Variants in NFIB observed in about 807,000 individuals in gnomAD.
NFIB encodes the protein nuclear factor I B, also known as nuclear factor 1 B-type.
In NFIB, 11 loss-of-function variants were observed where a neutral mutation model predicts 61.5. The ratio of observed to expected loss-of-function variants is 0.18; its 90% CI spans 0.11 to 0.30. NFIB has a LOEUF of 0.30. Ranked by LOEUF, NFIB falls within the 10% of genes least tolerant of loss-of-function variation. The pLI, the probability that NFIB is intolerant of heterozygous loss-of-function variation, is 1.00. For missense variants in NFIB, 471 were observed against 608.9 expected (o/e 0.77, Z 2.38); for synonymous variants, 260 against 216.5 (o/e 1.20, Z -1.76).
At chr9:14,139,094 T>C (rs1283549094) in intron 6 of NFIB, among the ~76,000 whole-genome samples, 2 of 152,140 alleles carry the variant, frequency 1.3e-5, no homozygotes, top group Non-Finnish European at 2.9e-5. Context: ...TTAAATCTCC[T>C]AGGCCATTTG....
the NFIB span, among the ~76,000 whole-genome samples, chr9:14,493,840 A>G: frequency 1.3e-5 from 2 of 152,164 alleles, no homozygotes; most frequent in African/African-American, 4.8e-5. Flanking sequence ...GTTGTTTCAC[A>G]ATATGGGGAA....
At chr9:14,265,309 T>A (rs2057104469) in intron 2 of NFIB, among the ~76,000 whole-genome samples, 1 of 152,124 alleles carries the variant, frequency 6.6e-6, no homozygotes, top group South Asian at 2.1e-4. Flanking sequence ...CCAACCCCAA[T>A]GTAGGCAGAA....
At chr9:14,484,006 T>C in the NFIB span, among the ~76,000 whole-genome samples, 9 of 152,326 alleles carry the variant, frequency 5.9e-5, no homozygotes, top group Non-Finnish European at 7.3e-5. Context: ...ACAGTTTATA[T>C]TGAAGTGTGA....
At chr9:14,430,748 A>G in the NFIB span, among the ~76,000 whole-genome samples, 1 of 151,956 alleles carries the variant, frequency 6.6e-6, no homozygotes, top group Admixed American at 6.6e-5. Flanking sequence ...TGCCTGGCTA[A>G]TTTTTTTATT....
At chr9:14,259,728 C>G (rs1290238714) in intron 2 of NFIB, among the ~76,000 whole-genome samples, 1 of 151,916 alleles carries the variant, frequency 6.6e-6, no homozygotes, top group Non-Finnish European at 1.5e-5. Context: ...TGGTGAAATC[C>G]TGTCTCTACT....
chr9:14,240,435 C>T (rs2054236505), intron 2 of NFIB, among the ~76,000 whole-genome samples: 1 of 152,120 alleles, frequency 6.6e-6, no homozygotes, highest in Non-Finnish European at 1.5e-5. Flanking sequence ...AAATGTGCAT[C>T]GCATTATAAA....
chr9:14,337,998 C>T (rs1200025573), intron 1 of NFIB, among the ~76,000 whole-genome samples: 2 of 152,204 alleles, frequency 1.3e-5, no homozygotes, highest in Non-Finnish European at 2.9e-5. Flanking sequence ...CCCTTTGTCC[C>T]TCTGTTCCTC....
In NFIB at chr9:14,085,918, A is replaced by C. The variant is rs770206147; in HGVS notation, c.*2391T>G. The stretch of plus-strand genomic sequence containing the variant: ...ACATCCCCTATGTGGACATTTCAAC[A>C]AATATTTTTGCCAAATATGAGACAG... On this transcript the variant is annotated 3_prime_UTR_variant, in exon 11 of 11. Transcript: ENST00000380953. The C allele has an allele frequency of 1.2e-4, 27 of 227,978 alleles. No homozygotes were observed. The Middle Eastern group carries it at 5.3e-3, about 45-fold the overall frequency. The allele number at this position is 227,978 out of a possible 1,614,324, so 14.1% of individuals were successfully genotyped here.
intron 1 of NFIB, among the ~76,000 whole-genome samples, chr9:14,395,323 C>G (rs1281528871): frequency 6.8e-6 from 1 of 146,068 alleles, no homozygotes; most frequent in Non-Finnish European, 1.5e-5. Flanking sequence ...AAAAAAAAAC[C>G]TAAAAAAAAA....
At chr9:14,393,883 TA>T (rs2061652913) in intron 1 of NFIB, among the ~76,000 whole-genome samples, 1 of 152,248 alleles carries the variant, frequency 6.6e-6, no homozygotes, top group Non-Finnish European at 1.5e-5. Flanking sequence ...TTTTTCTTAT[TA>T]AGGCCAGTTA....
the NFIB span, among the ~76,000 whole-genome samples, chr9:14,468,185 C>A: frequency 6.6e-6 from 1 of 152,208 alleles, no homozygotes; most frequent in Non-Finnish European, 1.5e-5. Flanking sequence ...AGCATGATGT[C>A]ATCAGAGCCT....
intron 6 of NFIB, among the ~76,000 whole-genome samples, chr9:14,136,994 T>C (rs897477647): frequency 5.9e-5 from 9 of 152,226 alleles, no homozygotes; most frequent in African/African-American, 1.9e-4. Flanking sequence ...ATTACTATGA[T>C]GGCATATTTA....
chr9:14,509,582 T>A, the NFIB span, among the ~76,000 whole-genome samples: 1 of 152,206 alleles, frequency 6.6e-6, no homozygotes, highest in East Asian at 1.9e-4. Flanking sequence ...CTGTACTTTG[T>A]AGGGAGCAAA....
intron 10 of NFIB, among the ~76,000 whole-genome samples, chr9:14,102,744 G>C (rs1238878272): frequency 6.6e-6 from 1 of 151,908 alleles, no homozygotes; most frequent in Non-Finnish European, 1.5e-5. Context: ...AAGCATACAA[G>C]AGAAACAAGT....
intron 2 of NFIB, chr9:14,204,172 C>T (rs970708569): frequency 8.4e-6 from 4 of 476,938 alleles, no homozygotes; most frequent in South Asian, 4.4e-5. Context: ...AAAAGAAAAC[C>T]TTTTCATACC....
intron 10 of NFIB, 26 bp downstream of exon 10, chr9:14,112,973 G>T (rs532135099): frequency 6.5e-7 from 1 of 1,547,160 alleles, no homozygotes; most frequent in Non-Finnish European, 8.7e-7. Flanking sequence ...TGGCTACACC[G>T]TCACACCTGG....
chr9:14,217,928 A>G (rs760360776), intron 2 of NFIB, among the ~76,000 whole-genome samples: 1 of 152,182 alleles, frequency 6.6e-6, no homozygotes, highest in Non-Finnish European at 1.5e-5. Flanking sequence ...AAGGTAAGAA[A>G]GTAAATATAT....
chr9:14,509,948 G>A, the NFIB span, among the ~76,000 whole-genome samples: 1 of 152,214 alleles, frequency 6.6e-6, no homozygotes, highest in African/African-American at 2.4e-5. Flanking sequence ...CCAGGCTGGA[G>A]TGCAATGGCG....
chr9:14,171,320 C>G (rs2045542549), intron 3 of NFIB, among the ~76,000 whole-genome samples: 1 of 152,220 alleles, frequency 6.6e-6, no homozygotes, highest in Non-Finnish European at 1.5e-5. Flanking sequence ...ACCCTACAAC[C>G]TCTTGTTCAT....
Sources: gnomAD v4.1 joint callset for allele counts (sites outside exome capture counted in the v4.1 genomes callset) on GRCh38, gnomAD v4.1.1 for gene constraint, MANE v1.5 for transcripts, NCBI Gene and HGNC (gene_info 2026-07-23, HGNC 2026-07-21) for gene names.